The following ECSCR variants were observed in gnomAD, a reference collection of about 807,000 sequenced individuals.
The protein encoded by ECSCR is endothelial cell surface expressed chemotaxis and apoptosis regulator, also known as endothelial cell-specific chemotaxis regulator.
In ECSCR, 12 loss-of-function variants were observed where a neutral mutation model predicts 16.7. That is an observed-to-expected ratio of 0.72 (90% CI 0.46 to 1.17). The LOEUF is 1.17. ECSCR is among the 50% of genes most tolerant of loss of function. The pLI, the probability that ECSCR is intolerant of heterozygous loss-of-function variation, is 0.00. For synonymous variants in ECSCR, 44 were observed against 42.2 expected, an observed-to-expected ratio of 1.04 and a Z score of -0.17; for missense variants, 122 against 116.1, an observed-to-expected ratio of 1.05 and a Z score of -0.23.
chr5:139,458,585 A>G (rs559384231), intron 1 of ECSCR, among the ~76,000 whole-genome samples: 2 of 150,102 alleles, frequency 1.3e-5, no homozygotes, highest in South Asian at 4.2e-4. Flanking sequence ...GGTGGTTCAC[A>G]CCTGTAATCC....
chr5:139,455,034 C>G, intron 6 of ECSCR, 111 bp from the exon 7 acceptor site: 1 of 397,776 alleles, frequency 2.5e-6, no homozygotes. Context: ...GCTCCAGGAG[C>G]AAAGTGAGTT....
In ECSCR at chr5:139,457,769, A is replaced by C; in HGVS notation, c.145T>G (p.Ser49Ala). Reference sequence around the variant, plus strand: ...CACACTCACTCACCTGGGTTGGAAGAAACTGGCTCTGTGGTCAGACTTAGA... The same window carrying C: ...CACACTCACTCACCTGGGTTGGAAGCAACTGGCTCTGTGGTCAGACTTAGA... ...GGLSLTTEPV[S>A]SNPGYIPSSE... is the part of the protein sequence containing the mutation. Residue 49 changes from serine (S) to alanine (A), a missense_variant, in exon 3 of 10, where the codon TCT (serine) becomes GCT (alanine). By Grantham distance (99) the Ser-to-Ala change is moderately conservative. Transcript: ENST00000618155. The C allele has an allele frequency of 1.2e-6, 2 of 1,612,796 alleles. No individual in the cohort carries two copies. The highest frequency in any genetic ancestry group is 1.7e-6 in the Non-Finnish European group (2 of 1,179,384).
In ECSCR at chr5:139,448,647, T is replaced by A; in HGVS notation, c.*253A>T. On this transcript the variant is annotated 3_prime_UTR_variant, in exon 10 of 10. Transcript: ENST00000618155. ...TGCTCTCTCTCTGTCACCTCCTCTT[T>A]CCTGTGGCTCTGAGGAGGTGGGAGA... The A allele has an allele frequency of 9.0e-7, 1 of 1,111,908 alleles. No individual in the cohort carries two copies. 68.9% of individuals were successfully genotyped at this position (1,111,908 alleles called of 1,614,324 possible).
intron 8 of ECSCR, among the ~76,000 whole-genome samples, chr5:139,451,847 AG>A (rs1751058120): frequency 7.3e-6 from 1 of 136,242 alleles, no homozygotes; most frequent in African/African-American, 2.8e-5. Flanking sequence ...TGTGTAGTAT[AG>A]GATGTATGTA....
Position 139,454,932 on chromosome 5 carries a change from A to G in ECSCR, c.377-9T>C, listed in dbSNP as rs1298401889. On this transcript the variant is annotated splice_polypyrimidine_tract_variant and intron_variant, in intron 6 of 9. Transcript: ENST00000618155. ...AATGAAGCTGATAACACCTGAACAG[A>G]GAAAAGAATGGGGTGAAGGGGGCCA... 3 of 398,652 alleles carry G rather than the reference A, an allele frequency of 7.5e-6. No homozygotes were observed. The highest frequency in any genetic ancestry group is 4.1e-5 in the African/African-American group (2 of 48,570). The allele number at this position is 398,652 out of a possible 1,614,324, so 24.7% of individuals were successfully genotyped here.
intron 4 of ECSCR, 47 bp from the exon 5 acceptor site, chr5:139,456,565 C>A (rs1375481183): frequency 5.0e-6 from 2 of 398,458 alleles, no homozygotes; most frequent in African/African-American, 4.1e-5. Flanking sequence ...CCCCCAGCAG[C>A]TCTTCTCCCT....
intron 1 of ECSCR, 43 bp downstream of exon 1, chr5:139,462,567 T>C (rs1275798749): frequency 2.6e-6 from 4 of 1,561,404 alleles, no homozygotes; most frequent in Non-Finnish European, 3.5e-6. Context: ...AATGGCCAGC[T>C]GCGGAGAGGA....
chr5:139,454,490 A>AGGTGTAT (rs1185921991), intron 8 of ECSCR, 112 bp downstream of exon 8: 1 of 380,216 alleles, frequency 2.6e-6, no homozygotes, highest in Admixed American at 4.7e-5. Context: ...TGATGTGTGA[A>AGGTGTAT]GGTGTATGGT....
Position 139,457,756 on chromosome 5 carries a change from C to A in ECSCR, c.157+1G>T. The A allele has an allele frequency of 6.2e-7, 1 of 1,613,112 alleles. No individual in the cohort carries two copies. ...GGACCTCAGCAACCACACTCACTCA[C>A]CTGGGTTGGAAGAAACTGGCTCTGT... On this transcript the variant is annotated splice_donor_variant, in intron 3 of 9. Transcript: ENST00000618155. LOFTEE classifies it high-confidence loss of function.
chr5:139,450,081 G>A (rs770743279), intron 8 of ECSCR, among the ~76,000 whole-genome samples: 1 of 152,050 alleles, frequency 6.6e-6, no homozygotes, highest in Non-Finnish European at 1.5e-5. Flanking sequence ...TTTTAGTAGA[G>A]ACTGGGTTTC....
intron 8 of ECSCR, among the ~76,000 whole-genome samples, chr5:139,453,932 G>A (rs894068463): frequency 2.7e-5 from 4 of 146,870 alleles, no homozygotes; most frequent in Admixed American, 6.8e-5. Flanking sequence ...GTGGTATGTG[G>A]GGTGTGTATG....
At chr5:139,460,797 T>C (rs1326954928) in intron 1 of ECSCR, among the ~76,000 whole-genome samples, 3 of 152,130 alleles carry the variant, frequency 2.0e-5, no homozygotes, top group Non-Finnish European at 4.4e-5. Context: ...CTTTATCCCC[T>C]TCTAGTCTAT....
chr5:139,454,944 G>C, intron 6 of ECSCR, 21 bp from the exon 7 acceptor site: 1 of 398,850 alleles, frequency 2.5e-6, no homozygotes, highest in East Asian at 3.6e-5. Context: ...AAAAGAATGG[G>C]GTGAAGGGGG....
chr5:139,458,325 G>GTTTTGT, intron 1 of ECSCR, 142 bp from the exon 2 acceptor site: 1 of 546,768 alleles, frequency 1.8e-6, no homozygotes, highest in East Asian at 3.3e-5. Flanking sequence ...GTTTTGTTTT[G>GTTTTGT]TTTTTTTTTT....
chr5:139,449,811 C>T (rs1354978085), intron 8 of ECSCR, among the ~76,000 whole-genome samples: 1 of 151,436 alleles, frequency 6.6e-6, no homozygotes, highest in Non-Finnish European at 1.5e-5. Flanking sequence ...AGCCTTGACC[C>T]CCTGAGCTCA....
Position 139,458,121 on chromosome 5 carries a change from C to G in ECSCR, c.106+18G>C, listed in dbSNP as rs1751200330. The G allele has an allele frequency of 3.2e-6, 5 of 1,549,008 alleles. No homozygotes were observed. The highest frequency in any genetic ancestry group is 3.5e-6 in the Non-Finnish European group (4 of 1,146,450). ...CCTAGGCCTACACGCTGGAGTAGAC[C>G]CATGTGTTTGGTCTTACCCTGAGAG... On this transcript the variant is annotated intron_variant, in intron 2 of 9. Transcript: ENST00000618155.
At chr5:139,456,686 C>A (rs1487972569) in intron 4 of ECSCR, among the ~76,000 whole-genome samples, 168 bp from the exon 5 acceptor site, 2 of 152,228 alleles carry the variant, frequency 1.3e-5, no homozygotes, top group Admixed American at 6.5e-5. Flanking sequence ...TCCCTCTCCT[C>A]TCTGGGTATG....
chr5:139,456,253 A>G (rs1451560679), intron 5 of ECSCR, among the ~76,000 whole-genome samples: 1 of 151,612 alleles, frequency 6.6e-6, no homozygotes, highest in Non-Finnish European at 1.5e-5. Context: ...ACAGAACAAG[A>G]CTCCTTCTCA....
intron 1 of ECSCR, among the ~76,000 whole-genome samples, chr5:139,460,805 T>C (rs1581438834): frequency 6.6e-6 from 1 of 152,142 alleles, no homozygotes; most frequent in East Asian, 1.9e-4. Context: ...CCTTCTAGTC[T>C]ATCTCCACAC....
Sources: allele counts gnomAD v4.1 joint callset (sites outside exome capture counted in the v4.1 genomes callset), GRCh38; gene constraint gnomAD v4.1.1; transcripts MANE v1.5; gene names NCBI Gene and HGNC (gene_info 2026-07-23, HGNC 2026-07-21).